PACSIN1: variants seen among roughly 807,000 people sequenced by gnomAD.
PACSIN1 encodes the protein protein kinase C and casein kinase substrate in neurons protein 1.
A neutral mutation model predicts 59.5 loss-of-function variants in PACSIN1; 15 were observed. The ratio of observed to expected loss-of-function variants is 0.25; its 90% CI spans 0.17 to 0.39. The LOEUF (loss-of-function observed/expected upper bound fraction) is 0.39. PACSIN1 is among the 10% of genes least tolerant of loss of function. The pLI is 1.00. For missense variants in PACSIN1, 420 were observed against 580.2 expected (o/e 0.72, Z 2.84); for synonymous variants, 210 against 220.6 (o/e 0.95, Z 0.42).
intron 1 of PACSIN1, among the ~76,000 whole-genome samples, chr6:34,481,458 G>T (rs1766717674): frequency 6.6e-6 from 1 of 152,156 alleles, no homozygotes; most frequent in East Asian, 1.9e-4. Context: ...CGAGGCGGGA[G>T]GATCACGAGG....
chr6:34,478,263 G>T (rs555627394), intron 1 of PACSIN1, among the ~76,000 whole-genome samples: 1 of 147,294 alleles, frequency 6.8e-6, no homozygotes, highest in Non-Finnish European at 1.5e-5. Flanking sequence ...GTTTCATTAT[G>T]TTGGCCAGGG....
chr6:34,493,748 A>G (rs1301689624), intron 1 of PACSIN1, among the ~76,000 whole-genome samples: 2 of 126,636 alleles, frequency 1.6e-5, no homozygotes, highest in Non-Finnish European at 3.8e-5. Context: ...TTCAAAACCA[A>G]ATCCTGGCAG....
rs1017513046 is a variant in PACSIN1, at chr6:34,490,494, T to C, written c.-64+24224T>C. On this transcript the variant is annotated intron_variant, in intron 1 of 9. Transcript: ENST00000244458. ...GGTCTGGCAGCTCTGACCCAGCTGC[T>C]AGCGGTGGTAACTGCCTCCATCTCA... Among the ~76,000 whole-genome samples, 4 of 152,236 alleles carry C rather than the reference T, an allele frequency of 2.6e-5. No individual in the cohort carries two copies. The South Asian group carries it at 8.3e-4, about 32-fold the overall frequency.
rs572795554 is a variant in PACSIN1 at position 34,521,529 on chromosome 6, C to G, written c.-63-4714C>G. ...GCTGGGGCTCCTTTGTCACTGAGGC[C>G]GCCATTACAGACTTGGCCCACATCT... On this transcript the variant is annotated intron_variant, in intron 1 of 9. Transcript: ENST00000244458. This position sits in a 1 kb window ranked among gnomAD's most constrained non-coding sequence, Gnocchi z 4.3. Among the ~76,000 whole-genome samples, 4 of 152,168 alleles carry G rather than the reference C, an allele frequency of 2.6e-5. No homozygotes were observed. Among genetic ancestry groups the G allele is most frequent in the Non-Finnish European group, 5.9e-5 (4 of 68,034 alleles).
intron 1 of PACSIN1, among the ~76,000 whole-genome samples, chr6:34,478,369 CTTTTTTTTTTT>C (rs35124068): frequency 2.9e-5 from 2 of 67,888 alleles, no homozygotes; most frequent in African/African-American, 1.3e-4. Flanking sequence ...TATTTATCTT[CTTTTTTTTTTT>C]TTTTTTTTTT....
intron 1 of PACSIN1, among the ~76,000 whole-genome samples, chr6:34,506,536 C>T (rs7755392): frequency 0.013 from 1,952 of 152,290 alleles, 37 homozygotes; most frequent in African/African-American, 0.044. Context: ...TTGTATTATA[C>T]CCTGGACACT....
At chr6:34,511,760 A>G (rs552002022) in intron 1 of PACSIN1, among the ~76,000 whole-genome samples, 1 of 152,322 alleles carries the variant, frequency 6.6e-6, no homozygotes, top group Non-Finnish European at 1.5e-5. Context: ...TATGCAGATG[A>G]GATGCAAAGC....
intron 2 of PACSIN1, among the ~76,000 whole-genome samples, chr6:34,527,021 C>A (rs1274876116): frequency 1.3e-5 from 2 of 152,194 alleles, no homozygotes; most frequent in African/African-American, 2.4e-5. Flanking sequence ...ATGAATAATT[C>A]ATTCCAGCCC....
In PACSIN1 at chr6:34,527,183, G is replaced by A; in HGVS notation, c.64-149G>A. 3 of 824,686 alleles carry A rather than the reference G, an allele frequency of 3.6e-6. No homozygotes were observed. In the Admixed American group the frequency reaches 1.3e-4, roughly 35 times the overall value. The allele number at this position is 824,686 out of a possible 1,614,324, so 51.1% of individuals were successfully genotyped here. On this transcript the variant is annotated intron_variant, in intron 2 of 9. Transcript: ENST00000244458. ...CCTGGGGTGTTGCCGCTGCGCCGCG[G>A]GGCGGGGGGCGGGGGCGGGGGCGGG...
Position 34,529,493 on chromosome 6 carries a change from C to T in PACSIN1, c.553C>T (p.Pro185Ser). The T allele has an allele frequency of 6.2e-7, 1 of 1,614,140 alleles. No homozygotes were observed. Among genetic ancestry groups the T allele is most frequent in the Non-Finnish European group, 8.5e-7 (1 of 1,180,040 alleles). ...MNSKTEQSVT[P>S]EQQKKLQDKV... ...CAGCAAGACGGAGCAATCGGTCACA[C>T]CTGAGCAGCAAAAGAAGCTGCAGGA... Residue 185 changes from proline (P) to serine (S), a missense_variant, in exon 5 of 10, where the codon CCT becomes TCT. Coordinates refer to ENST00000244458, the MANE Select transcript of PACSIN1 (RefSeq NM_020804.5). This position sits in a 1 kb window ranked among gnomAD's most constrained non-coding sequence, Gnocchi z 6.3.
chr6:34,523,927 A>T (rs1767440129), intron 1 of PACSIN1, among the ~76,000 whole-genome samples: 1 of 152,186 alleles, frequency 6.6e-6, no homozygotes, highest in South Asian at 2.1e-4. Flanking sequence ...AGGGTCTGCC[A>T]TGGCTGGACA....
At chr6:34,526,389 A>G (rs1767482343) in intron 2 of PACSIN1, 21 bp downstream of exon 2, 1 of 1,605,712 alleles carries the variant, frequency 6.2e-7, no homozygotes, top group Non-Finnish European at 8.5e-7. Flanking sequence ...CATGATCCCC[A>G]GGTTCGGGGA....
chr6:34,497,094 G>A (rs755786886), intron 1 of PACSIN1, among the ~76,000 whole-genome samples: 7 of 151,556 alleles, frequency 4.6e-5, no homozygotes, highest in Non-Finnish European at 1.0e-4. Flanking sequence ...GAATACAGGC[G>A]CCCACCACCG....
intron 1 of PACSIN1, among the ~76,000 whole-genome samples, chr6:34,482,383 G>T (rs758604926): frequency 7.2e-5 from 11 of 152,128 alleles, no homozygotes; most frequent in African/African-American, 9.7e-5. Context: ...ACTGCGCCCA[G>T]CCTTGGCTTC....
chr6:34,491,298 C>T lies in PACSIN1; in HGVS notation c.-64+25028C>T, dbSNP rs376118319. Among the ~76,000 whole-genome samples the T allele has an allele frequency of 2.9e-3, 443 of 152,272 alleles. 2 individuals are homozygous for T. The highest frequency in any genetic ancestry group is 9.6e-3 in the African/African-American group (397 of 41,552). On this transcript the variant is annotated intron_variant, in intron 1 of 9. Coordinates refer to ENST00000244458, the MANE Select transcript of PACSIN1 (RefSeq NM_020804.5). ...GGGCCCCAGCACAGCCGTCTCCTTC[C>T]ACAGGCTTTATAATTAATTACCACT...
At chr6:34,478,002 CT>C (rs1219343359) in intron 1 of PACSIN1, among the ~76,000 whole-genome samples, 1 of 151,304 alleles carries the variant, frequency 6.6e-6, no homozygotes, top group African/African-American at 2.4e-5. Context: ...ATCCTCCCGC[CT>C]CAGCCTCCCA....
chr6:34,529,411 G>A lies in PACSIN1; in HGVS notation c.471G>A (p.Lys157=), dbSNP rs748914073. The A allele has an allele frequency of 4.3e-6, 7 of 1,614,148 alleles. No homozygotes were observed. The highest frequency in any genetic ancestry group is 5.1e-6 in the Non-Finnish European group (6 of 1,180,032). Residue 157 remains lysine, a synonymous_variant, in exon 5 of 10, where the codon AAG becomes AAA. Transcript: ENST00000244458. The surrounding 1 kb of genome is among the most constrained non-coding windows in gnomAD (Gnocchi z 6.3). The stretch of plus-strand genomic sequence containing the variant: ...CCTCCCCACAGCTGGAGGCAGCCAA[G>A]AAGGCCTACCATTTGGCTTGCAAAG... ...AKKMKELEAA[K]KAYHLACKEE... is the part of the protein sequence containing the mutation.
intron 1 of PACSIN1, among the ~76,000 whole-genome samples, chr6:34,489,150 C>T (rs1281044657): frequency 6.8e-6 from 1 of 147,898 alleles, no homozygotes; most frequent in East Asian, 2.0e-4. Flanking sequence ...CACTGCTGCA[C>T]ACCAGCCTGG....
intron 1 of PACSIN1, among the ~76,000 whole-genome samples, chr6:34,482,836 G>A (rs1455760526): frequency 6.7e-6 from 1 of 149,702 alleles, no homozygotes; most frequent in Non-Finnish European, 1.5e-5. Context: ...GGCGCCTGCC[G>A]CCACACCCAG....
Sources: allele counts gnomAD v4.1 joint callset (sites outside exome capture counted in the v4.1 genomes callset), GRCh38; gene constraint gnomAD v4.1.1; non-coding constraint Gnocchi (gnomAD v3.1); transcripts MANE v1.5; gene names NCBI Gene and HGNC (gene_info 2026-07-23, HGNC 2026-07-21).